Variants in SH3TC1 observed in about 807,000 individuals in gnomAD.
The protein encoded by SH3TC1 is SH3 domain and tetratricopeptide repeats 1, also known as SH3 domain and tetratricopeptide repeat-containing protein 1.
In SH3TC1, 135 loss-of-function variants were observed where a neutral mutation model predicts 117.3. That is an observed-to-expected ratio of 1.15 (90% confidence interval 1.00 to 1.33). SH3TC1 has a LOEUF of 1.33. Among genes scored for constraint, SH3TC1 ranks in the 40% most tolerant of loss-of-function variants. The pLI, the probability that SH3TC1 is intolerant of heterozygous loss-of-function variation, is 0.00. For missense variants in SH3TC1, 2,092 were observed against 1,794.3 expected (o/e 1.17, Z -3.00); for synonymous variants, 898 against 816.9 (o/e 1.10, Z -1.69).
At position 8,222,891 on chromosome 4, in the gene SH3TC1, G is replaced by C. The variant is rs771186331; in HGVS notation, c.1164G>C (p.Glu388Asp). Residue 388 changes from glutamate (E) to aspartate (D), a missense_variant, in exon 10 of 18, where the codon GAG becomes GAC. By Grantham distance (45) the Glu-to-Asp change is conservative (BLOSUM62 2). Coordinates refer to ENST00000245105, the MANE Select transcript of SH3TC1 (RefSeq NM_018986.5). ...AGGAAGAAAAGTCATTCTTCAGCGA[G>C]GGCTGCTTTTCTGAGGAGGATGCCA... ...LNEEEKSFFS[E>D]GCFSEEDARQ... is the part of the protein sequence containing the mutation. 1.9e-6 allele frequency: 3 copies of C among 1,613,784 alleles called. No individual in the cohort carries two copies. The highest frequency in any genetic ancestry group is 2.5e-6 in the Non-Finnish European group (3 of 1,179,922).
intron 17 of SH3TC1, among the ~76,000 whole-genome samples, 165 bp downstream of exon 17, chr4:8,237,835 C>A (rs1721964375): frequency 6.6e-6 from 1 of 152,150 alleles, no homozygotes; most frequent in African/African-American, 2.4e-5. Flanking sequence ...CAGACACAAC[C>A]CAGCTCCCGA....
intron 3 of SH3TC1, 56 bp from the exon 4 acceptor site, chr4:8,212,645 C>T: frequency 1.2e-6 from 2 of 1,610,258 alleles, no homozygotes; most frequent in East Asian, 4.5e-5. Flanking sequence ...TACAGTGCCC[C>T]ACAGACTTCC....
At chr4:8,229,856 G>A (rs1389935094) in intron 12 of SH3TC1, among the ~76,000 whole-genome samples, 110 of 152,124 alleles carry the variant, frequency 7.2e-4, no homozygotes, top group Non-Finnish European at 2.1e-4. Flanking sequence ...CCCTCCCCGG[G>A]GTGCTGGGGG....
intron 16 of SH3TC1, 132 bp from the exon 17 acceptor site, chr4:8,237,342 G>A: frequency 1.5e-6 from 1 of 678,488 alleles, no homozygotes; most frequent in Non-Finnish European, 2.3e-6. Context: ...GTGAGTCTGG[G>A]AGCTGGGAAG....
rs529526139 is a variant in SH3TC1 at position 8,192,651 on chromosome 4, G to A, written c.-57+10441G>A. The stretch of plus-strand genomic sequence containing the variant: ...TGGGATCACAGGCGTGTGCCACAAC[G>A]CCCAGCTAATTTTTGTATTTTTAGT... On this transcript the variant is annotated intron_variant, in intron 1 of 16. Transcript: ENST00000508641. The surrounding 1 kb of genome is among the most constrained non-coding windows in gnomAD (Gnocchi z 4.1). Among the ~76,000 whole-genome samples the A allele has an allele frequency of 1.8e-4, 27 of 152,046 alleles. No homozygotes were observed. The South Asian group carries it at 5.6e-3, about 32-fold the overall frequency.
At chr4:8,237,352 G>C (rs1489510040) in intron 16 of SH3TC1, 122 bp from the exon 17 acceptor site, 4 of 738,284 alleles carry the variant, frequency 5.4e-6, no homozygotes, top group Non-Finnish European at 8.2e-6. Flanking sequence ...GAGCTGGGAA[G>C]GGACTGGCCA....
At chr4:8,197,009 A>C (rs1208830162), upstream of SH3TC1, among the ~76,000 whole-genome samples, 1 of 152,140 alleles carries the variant, frequency 6.6e-6, no homozygotes, top group Non-Finnish European at 1.5e-5. Context: ...TGTGAACCTG[A>C]CCTTATTTGG....
Position 8,209,532 on chromosome 4 carries a change from T to G in SH3TC1, c.173-216T>G, listed in dbSNP as rs568902782. The G allele has an allele frequency of 5.2e-4, 527 of 1,013,930 alleles. No homozygotes were observed. Among genetic ancestry groups the G allele is most frequent in the Non-Finnish European group, 7.0e-4 (482 of 688,922 alleles). 62.8% of individuals were successfully genotyped at this position (1,013,930 alleles called of 1,614,324 possible). A position where few individuals can be genotyped will look rare whatever the true frequency, so the allele number is the denominator to read the frequency against. ...AGTCGTGTGGTCTTAAGCCTCTGAG[T>G]GTGGGGCAGCTTGTCACAGCATGCT... On this transcript the variant is annotated intron_variant, in intron 2 of 17. Transcript: ENST00000245105. The surrounding 1 kb of genome is among the most constrained non-coding windows in gnomAD (Gnocchi z 5.9).
chr4:8,227,513 C>T lies in SH3TC1; in HGVS notation c.1819C>T (p.Leu607=), dbSNP rs888131475. The change falls in exon 12 of 18, where the codon CTG becomes TTG. Residue 607 remains leucine, a synonymous_variant. Coordinates refer to ENST00000245105, the MANE Select transcript of SH3TC1 (RefSeq NM_018986.5). ...CCTAGTGGTGGCTGTGTACGCCAAC[C>T]TGGCCAGCATTTACCGGAAGCAGAA... ...LFLVVAVYAN[L]ASIYRKQKNR... is the part of the protein sequence containing the mutation. 4 of 1,549,892 alleles carry T rather than the reference C, an allele frequency of 2.6e-6. No homozygotes were observed. The highest frequency in any genetic ancestry group is 3.5e-6 in the Non-Finnish European group (4 of 1,153,660).
At chr4:8,202,556 T>C (rs543143131) in intron 1 of SH3TC1, among the ~76,000 whole-genome samples, 8 of 152,198 alleles carry the variant, frequency 5.3e-5, no homozygotes, top group East Asian at 1.9e-4. Context: ...TCAGAGGTGG[T>C]TGGGGGGTGG....
chr4:8,212,986 C>A (rs1718888787), intron 4 of SH3TC1, 158 bp downstream of exon 4: 23 of 992,954 alleles, frequency 2.3e-5, no homozygotes, highest in Admixed American at 3.1e-5. Context: ...GCTGTGATAC[C>A]CAGTGGGTGG....
rs544129098 is a variant in SH3TC1, at chr4:8,217,051, G to C, written c.723G>C (p.Ser241=). ...GCCCCCAGGCCCTCAGGCAGGCTTC[G>C]GGGGCACCCCAGGGAGAGGCGGCCC... ...GNGPQALRQA[S]GAPQGEAAPE... is the part of the protein sequence containing the mutation. The change falls in exon 7 of 18, where the codon TCG becomes TCC. Residue 241 remains serine, a synonymous_variant. Transcript: ENST00000245105. The C allele has an allele frequency of 1.9e-6, 3 of 1,612,950 alleles. No individual in the cohort carries two copies. Among genetic ancestry groups the C allele is most frequent in the African/African-American group, 1.3e-5 (1 of 74,934 alleles).
Position 8,240,769 on chromosome 4 carries a change from A to G in SH3TC1, c.3825A>G (p.Ala1275=). 3 of 1,610,432 alleles carry G rather than the reference A, an allele frequency of 1.9e-6. No individual in the cohort carries two copies. The Middle Eastern group carries it at 5.0e-4, about 266-fold the overall frequency. Reference sequence around the variant, plus strand: ...CCGTGGACCTGGGCAACAAGAAGGCACAGCTGAAGATCTACACGCGGCTGG... The same window carrying G: ...CCGTGGACCTGGGCAACAAGAAGGCGCAGCTGAAGATCTACACGCGGCTGG... ...AAAVDLGNKK[A]QLKIYTRLAT... The change falls in exon 18 of 18, where the codon GCA becomes GCG. Residue 1275 remains alanine, a synonymous_variant. Coordinates refer to ENST00000245105, the MANE Select transcript of SH3TC1 (RefSeq NM_018986.5).
chr4:8,205,710 T>C lies in SH3TC1; in HGVS notation c.172+344T>C, dbSNP rs1318208989. The C allele has an allele frequency of 2.8e-6, 2 of 706,786 alleles. No homozygotes were observed. Among genetic ancestry groups the C allele is most frequent in the East Asian group, 5.3e-5 (2 of 37,944 alleles). 43.8% of individuals were successfully genotyped at this position (706,786 alleles called of 1,614,324 possible). On this transcript the variant is annotated intron_variant, in intron 2 of 17. Transcript: ENST00000245105. This position sits in a 1 kb window ranked among gnomAD's most constrained non-coding sequence, Gnocchi z 5.4. The stretch of plus-strand genomic sequence containing the variant: ...GGTTTGGCCTTGGAACCCCTGAGAG[T>C]CCTCAGGATGAGGCATCCTCGTTCT...
chr4:8,232,895 C>T, intron 13 of SH3TC1: 4 of 1,203,520 alleles, frequency 3.3e-6, no homozygotes, highest in Non-Finnish European at 4.2e-6. Context: ...GCATCCATGT[C>T]ACCTAGGAGC....
upstream of SH3TC1, chr4:8,199,172 C>G (rs778830201): frequency 2.6e-5 from 4 of 152,282 alleles, no homozygotes; most frequent in Non-Finnish European, 4.4e-5. Flanking sequence ...TCTGTGCAGC[C>G]GCCCTGGGCC....
intron 15 of SH3TC1, 180 bp downstream of exon 15, chr4:8,235,735 C>A (rs1245012751): frequency 1.2e-5 from 10 of 844,134 alleles, no homozygotes; most frequent in Non-Finnish European, 1.5e-5. Flanking sequence ...GGGACAAACA[C>A]TTGGGGCCTG....
At chr4:8,232,179 TG>T in intron 13 of SH3TC1, 23 bp downstream of exon 13, 1 of 77,908 alleles carries the variant, frequency 1.3e-5, no homozygotes, top group African/African-American at 2.4e-4. Context: ...TCTGTGGTGG[TG>T]GGGGCGGGGG....
chr4:8,239,397 CACACAGGCACATGCACAAAT>C (rs945342812), intron 17 of SH3TC1, among the ~76,000 whole-genome samples: 9 of 145,562 alleles, frequency 6.2e-5, no homozygotes, highest in East Asian at 2.0e-4. Context: ...GCCCCATGTA[CACACAGGCACATGCACAAAT>C]ACACAGGCAC....
Sources: allele counts gnomAD v4.1 joint callset (sites outside exome capture counted in the v4.1 genomes callset), GRCh38; gene constraint gnomAD v4.1.1; non-coding constraint Gnocchi (gnomAD v3.1); transcripts MANE v1.5; gene names NCBI Gene and HGNC (gene_info 2026-07-23, HGNC 2026-07-21).